The following SYT1 variants were observed in gnomAD, a reference collection of about 807,000 sequenced individuals.
SYT1 encodes synaptotagmin-1.
Under a neutral mutation model 44.8 loss-of-function variants are expected in SYT1, and 8 were observed. The observed-to-expected ratio is 0.18, with a 90% CI of 0.10 to 0.32. SYT1 has a LOEUF of 0.32. Among genes scored for constraint, SYT1 ranks in the 10% least tolerant of loss-of-function variants. SYT1 has a pLI of 1.00. For missense variants in SYT1, 286 were observed against 509.3 expected, an observed-to-expected ratio of 0.56 and a Z score of 4.22; for synonymous variants, 154 against 188.8, an observed-to-expected ratio of 0.82 and a Z score of 1.51.
chr12:78,902,481 A>G (rs1430656396), intron 1 of SYT1, among the ~76,000 whole-genome samples: 5 of 152,112 alleles, frequency 3.3e-5, no homozygotes, highest in Admixed American at 1.3e-4. Flanking sequence ...CTTATAAACA[A>G]TGATGCAAAC....
chr12:79,268,989 A>G (rs1028882466), intron 4 of SYT1, among the ~76,000 whole-genome samples: 2 of 151,900 alleles, frequency 1.3e-5, no homozygotes, highest in South Asian at 4.2e-4. Context: ...TCCAAATACT[A>G]TTTTCACCGT....
At chr12:79,089,823 T>G (rs141727861) in intron 3 of SYT1, among the ~76,000 whole-genome samples, 47 of 152,230 alleles carry the variant, frequency 3.1e-4, no homozygotes, top group African/African-American at 1.1e-3. Flanking sequence ...CTGGTCTATT[T>G]GAAGAAAATA....
At chr12:79,026,123 C>T (rs979095315) in intron 2 of SYT1, among the ~76,000 whole-genome samples, 3 of 151,626 alleles carry the variant, frequency 2.0e-5, no homozygotes, top group African/African-American at 7.3e-5. Context: ...GGAAATATTA[C>T]TATTCAAGTG....
intron 8 of SYT1, among the ~76,000 whole-genome samples, chr12:79,348,306 G>A (rs1342296978): frequency 3.9e-5 from 6 of 152,180 alleles, no homozygotes; most frequent in Non-Finnish European, 7.3e-5. Flanking sequence ...AAGTGACAAT[G>A]ACATGGACTT....
chr12:78,942,508 C>T (rs905841887), intron 1 of SYT1, among the ~76,000 whole-genome samples: 3 of 152,168 alleles, frequency 2.0e-5, no homozygotes, highest in Non-Finnish European at 1.5e-5. Context: ...AATTTCCAGG[C>T]ATTCCATGAC....
chr12:78,949,262 TG>T (rs1878836905), intron 1 of SYT1, among the ~76,000 whole-genome samples: 1 of 151,736 alleles, frequency 6.6e-6, no homozygotes, highest in Non-Finnish European at 1.5e-5. Context: ...AGGACTCCCG[TG>T]AAATACTTGA....
At chr12:78,899,147 A>G (rs1376931316) in intron 1 of SYT1, among the ~76,000 whole-genome samples, 1 of 152,048 alleles carries the variant, frequency 6.6e-6, no homozygotes, top group African/African-American at 2.4e-5. Flanking sequence ...AACTATAACT[A>G]GTTTAAAATA....
intron 8 of SYT1, among the ~76,000 whole-genome samples, chr12:79,308,612 A>AAGAAAAAGAAAGAAAG (rs1462021152): frequency 2.1e-4 from 28 of 134,318 alleles, no homozygotes; most frequent in African/African-American, 7.1e-4. Context: ...GAAAGAAAGA[A>AAGAAAAAGAAAGAAAG]AAAGAAAGAA....
chr12:79,309,179 TG>T (rs1409363953), intron 8 of SYT1, among the ~76,000 whole-genome samples: 3 of 152,176 alleles, frequency 2.0e-5, no homozygotes, highest in African/African-American at 7.2e-5. Context: ...GGTGTTCCTG[TG>T]GGGGCACTTT....
At chr12:79,022,245 A>G (rs946223975) in intron 2 of SYT1, among the ~76,000 whole-genome samples, 4 of 151,860 alleles carry the variant, frequency 2.6e-5, no homozygotes, top group Non-Finnish European at 5.9e-5. Context: ...TCTCTTAGAT[A>G]GGGTAAATAA....
chr12:79,218,815 C>G (rs1009855518), intron 4 of SYT1, among the ~76,000 whole-genome samples: 2 of 152,240 alleles, frequency 1.3e-5, no homozygotes, highest in South Asian at 4.1e-4. Context: ...AAAATTTCTG[C>G]AACAAACATG....
At chr12:78,887,458 G>T (rs1874812815) in intron 1 of SYT1, among the ~76,000 whole-genome samples, 1 of 151,952 alleles carries the variant, frequency 6.6e-6, no homozygotes, top group Admixed American at 6.6e-5. Context: ...AGTAAGGAAA[G>T]AAGAAAGAAT....
At chr12:78,981,932 C>A (rs940728932) in intron 2 of SYT1, among the ~76,000 whole-genome samples, 3 of 151,998 alleles carry the variant, frequency 2.0e-5, no homozygotes, top group African/African-American at 7.2e-5. Flanking sequence ...GGCATCCATG[C>A]CTAGGGATGG....
chr12:78,867,225 C>A (rs562535012), intron 1 of SYT1, among the ~76,000 whole-genome samples: 1 of 152,158 alleles, frequency 6.6e-6, no homozygotes, highest in African/African-American at 2.4e-5. Flanking sequence ...AAGCCAGCTG[C>A]CTTCATGTGA....
chr12:79,319,445 T>C (rs192064200), intron 8 of SYT1, among the ~76,000 whole-genome samples: 124 of 152,296 alleles, frequency 8.1e-4, no homozygotes, highest in Non-Finnish European at 7.4e-4. Context: ...AGATTCAGAA[T>C]TTTGTCTGAC....
At chr12:79,148,035 G>T (rs189189634) in intron 3 of SYT1, among the ~76,000 whole-genome samples, 138 of 150,132 alleles carry the variant, frequency 9.2e-4, no homozygotes, top group Middle Eastern at 3.5e-3. Flanking sequence ...TGAAAAAAAA[G>T]ATTTCTAAGC....
intron 3 of SYT1, among the ~76,000 whole-genome samples, chr12:79,094,784 C>T (rs935014275): frequency 1.3e-5 from 2 of 151,746 alleles, no homozygotes; most frequent in African/African-American, 4.8e-5. Flanking sequence ...TGAACCACAG[C>T]CCTAAAACAA....
At chr12:78,978,684 A>G (rs1869024583) in intron 2 of SYT1, among the ~76,000 whole-genome samples, 1 of 152,172 alleles carries the variant, frequency 6.6e-6, no homozygotes, top group Non-Finnish European at 1.5e-5. Context: ...CATGATCTTT[A>G]TTTGGAGTCC....
intron 1 of SYT1, among the ~76,000 whole-genome samples, chr12:78,974,328 T>G (rs185133286): frequency 6.6e-6 from 1 of 152,164 alleles, no homozygotes; most frequent in African/African-American, 2.4e-5. Flanking sequence ...TATTGGATAA[T>G]GATAAGTGCT....
Sources: allele counts gnomAD v4.1 joint callset (sites outside exome capture counted in the v4.1 genomes callset), GRCh38; gene constraint gnomAD v4.1.1; transcripts MANE v1.5; gene names NCBI Gene and HGNC (gene_info 2026-07-23, HGNC 2026-07-21).